UNC80: variants seen among roughly 807,000 people sequenced by gnomAD.
UNC80 encodes the protein protein unc-80 homolog.
UNC80 carries 164 observed loss-of-function variants against 384.6 expected under a neutral mutation model. The ratio of observed to expected loss-of-function variants is 0.43; its 90% CI spans 0.38 to 0.49. The LOEUF is 0.49. Ranked by LOEUF, UNC80 falls within the 20% of genes least tolerant of loss-of-function variation. The probability of loss-of-function intolerance (pLI) is 0.00; values close to 1 mark genes in which losing one functional copy is unlikely to be tolerated. For missense variants in UNC80, 3,330 were observed against 4,143.0 expected (o/e 0.80, Z 5.39); for synonymous variants, 1,486 against 1,527.8 (o/e 0.97, Z 0.64).
intron 49 of UNC80, 90 bp from the exon 50 acceptor site, chr2:209,959,029 G>T: frequency 9.5e-7 from 1 of 1,052,592 alleles, no homozygotes; most frequent in Non-Finnish European, 1.4e-6. Flanking sequence ...TAGCTTCAAG[G>T]GCTTTTCATA....
intron 7 of UNC80, among the ~76,000 whole-genome samples, chr2:209,805,486 CAG>C (rs755085372): frequency 5.9e-5 from 9 of 152,178 alleles, no homozygotes; most frequent in Non-Finnish European, 1.3e-4. Flanking sequence ...GATTGTGGCA[CAG>C]AGTCTCTCAA....
At chr2:209,902,765 G>T (rs1206935968) in intron 28 of UNC80, among the ~76,000 whole-genome samples, 1 of 152,176 alleles carries the variant, frequency 6.6e-6, no homozygotes, top group Admixed American at 6.5e-5. Flanking sequence ...ACACCTAATA[G>T]ACTATGGTAT....
intron 18 of UNC80, among the ~76,000 whole-genome samples, chr2:209,838,634 C>T (rs2081513157): frequency 6.6e-6 from 1 of 152,022 alleles, no homozygotes; most frequent in Non-Finnish European, 1.5e-5. Flanking sequence ...GAATGAGGAA[C>T]AGTGCTGCAC....
chr2:209,872,740 C>T lies in UNC80; in HGVS notation c.3628-18C>T, dbSNP rs2084407967. ...TTCATTAATCCCACATTATTCTTTC[C>T]TAAACAACCCTACACAGGAAGCCCC... On this transcript the variant is annotated intron_variant, in intron 22 of 64. Transcript: ENST00000673920. This position sits in a 1 kb window ranked among gnomAD's most constrained non-coding sequence, Gnocchi z 4.1. 1 of 1,549,094 alleles carries T rather than the reference C, an allele frequency of 6.5e-7. No individual in the cohort carries two copies. Among genetic ancestry groups the T allele is most frequent in the Non-Finnish European group, 8.7e-7 (1 of 1,144,856 alleles).
rs918663368 is a variant in UNC80, at chr2:209,820,619, A to AGGAGGAGGT, written c.2286_2294dup (p.Gly764_Gly766dup). On this transcript the variant is annotated inframe_insertion, in exon 13 of 65. Coordinates refer to ENST00000673920, the MANE Select transcript of UNC80 (RefSeq NM_001371986.1). ...ATGGAGGAGGTGGAGGAGGTGATGG[A>AGGAGGAGGT]GGAGGAGGTGGAGGAGGTGGAGGCG... 2.5e-5 allele frequency: 39 copies of AGGAGGAGGT among 1,550,064 alleles called. No homozygotes were observed. Among genetic ancestry groups the AGGAGGAGGT allele is most frequent in the Non-Finnish European group, 3.1e-5 (36 of 1,146,130 alleles).
At chr2:209,948,009 T>G (rs1276940456) in intron 47 of UNC80, among the ~76,000 whole-genome samples, 1 of 151,890 alleles carries the variant, frequency 6.6e-6, no homozygotes, top group Non-Finnish European at 1.5e-5. Context: ...TGTGTAACAG[T>G]AGTTGATTCT....
intron 7 of UNC80, chr2:209,809,424 C>T: frequency 6.9e-7 from 1 of 1,454,714 alleles, no homozygotes; most frequent in Non-Finnish European, 9.7e-7. Flanking sequence ...GTACCCACTG[C>T]AGCCGTGCCT....
chr2:209,773,879 T>C (rs2153824438), intron 2 of UNC80, among the ~76,000 whole-genome samples: 1 of 152,334 alleles, frequency 6.6e-6, no homozygotes, highest in African/African-American at 2.4e-5. Flanking sequence ...TTATACAAAA[T>C]AAAATGCATT....
At chr2:209,817,261 G>A (rs2079808041) in intron 10 of UNC80, 136 bp downstream of exon 10, 2 of 723,898 alleles carry the variant, frequency 2.8e-6, no homozygotes, top group South Asian at 1.9e-5. Flanking sequence ...AGGTTCTCCA[G>A]TACCAAAATA....
intron 54 of UNC80, among the ~76,000 whole-genome samples, chr2:209,971,872 C>T (rs1003327238): frequency 3.9e-5 from 6 of 152,140 alleles, no homozygotes; most frequent in African/African-American, 1.4e-4. Flanking sequence ...TCTTCCTTCT[C>T]CTTTGTTGTT....
At chr2:209,946,610 G>A (rs1431558284) in intron 47 of UNC80, among the ~76,000 whole-genome samples, 1 of 152,004 alleles carries the variant, frequency 6.6e-6, no homozygotes, top group Non-Finnish European at 1.5e-5. Flanking sequence ...TCCTTTCAAG[G>A]GGCAATAAGA....
At chr2:209,889,485 T>A (rs1426640022) in intron 26 of UNC80, among the ~76,000 whole-genome samples, 1 of 152,198 alleles carries the variant, frequency 6.6e-6, no homozygotes, top group Non-Finnish European at 1.5e-5. Flanking sequence ...CCTCTGTCCC[T>A]AGGTCTTTTT....
Position 209,834,178 on chromosome 2 carries a change from T to C in UNC80, c.2942+10T>C, listed in dbSNP as rs770735136. The C allele has an allele frequency of 9.0e-6, 14 of 1,551,150 alleles. No homozygotes were observed. The highest frequency in any genetic ancestry group is 2.7e-5 in the African/African-American group (2 of 73,044). ...CTGCAGGCAGTAAAAGGTTGGAAGC[T>C]TGAACTCTCTGAATATTACTGTTTG... On this transcript the variant is annotated intron_variant, in intron 17 of 64. Coordinates refer to ENST00000673920, the MANE Select transcript of UNC80 (RefSeq NM_001371986.1).
chr2:209,880,939 A>G, intron 24 of UNC80, 22 bp from the exon 25 acceptor site: 2 of 1,551,036 alleles, frequency 1.3e-6, no homozygotes, highest in Non-Finnish European at 1.7e-6. Context: ...TCTCCTTATG[A>G]AAGAACACTT....
In UNC80 at chr2:209,995,445, C is replaced by T. The variant is rs1355141014; in HGVS notation, c.9825C>T (p.Leu3275=). ...QLSDPDDFTG[L]ETSSLLQHGD... ...CTGACCCTGATGACTTCACAGGCCT[C>T]GAGACATCCAGCCTCCTACAGCATG... The change falls in exon 65 of 65, where the codon CTC becomes CTT. Residue 3275 remains leucine, a synonymous_variant. Coordinates refer to ENST00000673920, the MANE Select transcript of UNC80 (RefSeq NM_001371986.1). The T allele has an allele frequency of 7.1e-6, 11 of 1,551,740 alleles. No individual in the cohort carries two copies. Among genetic ancestry groups the T allele is most frequent in the Middle Eastern group, 1.7e-4 (1 of 6,016 alleles).
intron 26 of UNC80, among the ~76,000 whole-genome samples, chr2:209,892,646 G>T (rs535837311): frequency 4.2e-4 from 64 of 152,234 alleles, no homozygotes; most frequent in African/African-American, 1.3e-3. Context: ...GTGTGCCTCT[G>T]TAAAAATCTA....
In UNC80 at chr2:209,939,481, C is replaced by T; in HGVS notation, c.6475C>T (p.Arg2159Ter). 3.2e-6 allele frequency: 5 copies of T among 1,549,704 alleles called. No individual in the cohort carries two copies. Among genetic ancestry groups the T allele is most frequent in the Non-Finnish European group, 4.4e-6 (5 of 1,145,808 alleles). ...QELIQKQVFT[R>*]KLEEVGRVLF... is the part of the protein sequence containing the mutation. ...CTTTTGTTTTCTCCAGGTGTTCACCCGAAAGCTGGAAGAAGTAGGGCGGGT... is the reference window on the plus strand; with the variant it reads ...CTTTTGTTTTCTCCAGGTGTTCACCTGAAAGCTGGAAGAAGTAGGGCGGGT... The change falls in exon 43 of 65, where the codon CGA becomes TGA. Residue 2159 changes from arginine to a stop codon, truncating the protein, a stop_gained. Transcript: ENST00000673920. LOFTEE classifies it high-confidence loss of function.
At chr2:209,912,323 T>G (rs182337374) in intron 29 of UNC80, among the ~76,000 whole-genome samples, 103 of 152,302 alleles carry the variant, frequency 6.8e-4, no homozygotes, top group Admixed American at 1.2e-3. Context: ...CCCAGTTTCC[T>G]CAAAGGTCAA....
intron 12 of UNC80, 40 bp from the exon 13 acceptor site, chr2:209,820,271 A>G (rs1473085911): frequency 6.7e-6 from 10 of 1,485,396 alleles, no homozygotes; most frequent in Non-Finnish European, 8.1e-6. Context: ...GAGGGAGTGC[A>G]GGTAACTTAA....
Sources: gnomAD v4.1 joint callset for allele counts (sites outside exome capture counted in the v4.1 genomes callset) on GRCh38, gnomAD v4.1.1 for gene constraint, Gnocchi (gnomAD v3.1) non-coding constraint, MANE v1.5 for transcripts, NCBI Gene and HGNC (gene_info 2026-07-23, HGNC 2026-07-21) for gene names.